Variants in GTF3C1 observed in about 807,000 individuals in gnomAD.
GTF3C1 encodes the protein general transcription factor 3C polypeptide 1.
A neutral mutation model predicts 226.7 loss-of-function variants in GTF3C1; 57 were observed. The ratio of observed to expected loss-of-function variants is 0.25; its 90% confidence interval spans 0.20 to 0.31. The LOEUF (loss-of-function observed/expected upper bound fraction) is 0.31, where lower values mean the gene tolerates loss of function less well. GTF3C1 is among the 10% of genes least tolerant of loss of function. The pLI is 1.00. For missense variants in GTF3C1, 2,217 were observed against 2,776.1 expected (o/e 0.80, Z 4.53); for synonymous variants, 1,090 against 1,084.8 (o/e 1.00, Z -0.09).
intron 25 of GTF3C1, among the ~76,000 whole-genome samples, chr16:27,483,625 CA>C (rs2088090629): frequency 6.6e-6 from 1 of 152,236 alleles, no homozygotes; most frequent in Non-Finnish European, 1.5e-5. Context: ...GGCTCCCGTC[CA>C]CCAGGCACTG....
At chr16:27,534,259 G>C (rs759489742) in intron 4 of GTF3C1, among the ~76,000 whole-genome samples, 1 of 152,128 alleles carries the variant, frequency 6.6e-6, no homozygotes, top group Non-Finnish European at 1.5e-5. Flanking sequence ...CCAAGCTAAC[G>C]GCCAGCAAAG....
At chr16:27,546,008 C>T (rs953909393) in intron 1 of GTF3C1, among the ~76,000 whole-genome samples, 51 of 152,062 alleles carry the variant, frequency 3.4e-4, no homozygotes, top group African/African-American at 1.2e-3. Flanking sequence ...GCCACCACGC[C>T]CGGCTAATTT....
At chr16:27,508,779 T>C in intron 7 of GTF3C1, 124 bp from the exon 8 acceptor site, 1 of 689,438 alleles carries the variant, frequency 1.5e-6, no homozygotes, top group South Asian at 1.8e-5. Context: ...GAACAAAACA[T>C]ACGCCATTTC....
At chr16:27,514,051 C>T (rs1250715797) in intron 6 of GTF3C1, among the ~76,000 whole-genome samples, 1 of 152,184 alleles carries the variant, frequency 6.6e-6, no homozygotes, top group East Asian at 1.9e-4. Context: ...CAGGAGATGC[C>T]TGGAACTCAA....
At position 27,462,187 on chromosome 16, in the gene GTF3C1, A is replaced by G. The variant is rs1596608842; in HGVS notation, c.6117+107T>C. On this transcript the variant is annotated intron_variant, in intron 36 of 36. Transcript: ENST00000356183. This position sits in a 1 kb window ranked among gnomAD's most constrained non-coding sequence, Gnocchi z 4.5. ...CAAGCTGGGGGAGGAGGTGCAGGCA[A>G]GCAGTATGGTGGTACTGCATGTTGC... 9.5e-6 allele frequency: 7 copies of G among 737,580 alleles called. No individual in the cohort carries two copies. In the South Asian group the frequency reaches 1.2e-4, roughly 13 times the overall value. The allele number at this position is 737,580 out of a possible 1,614,324, so 45.7% of individuals were successfully genotyped here.
intron 19 of GTF3C1, among the ~76,000 whole-genome samples, chr16:27,490,054 C>T (rs779121994): frequency 2.0e-5 from 3 of 152,192 alleles, no homozygotes; most frequent in Non-Finnish European, 4.4e-5. Context: ...GGGAGTCCAG[C>T]GCAGGGGAAA....
At chr16:27,524,148 G>GGGA (rs1240040318) in intron 6 of GTF3C1, among the ~76,000 whole-genome samples, 3 of 152,240 alleles carry the variant, frequency 2.0e-5, no homozygotes, top group Non-Finnish European at 4.4e-5. Context: ...GCTATACAGT[G>GGGA]GGAAGCGGGT....
intron 6 of GTF3C1, among the ~76,000 whole-genome samples, chr16:27,517,845 G>C (rs912429590): frequency 2.0e-5 from 3 of 152,172 alleles, no homozygotes; most frequent in African/African-American, 7.2e-5. Context: ...CACTCAGAGT[G>C]GTCATGTGAT....
chr16:27,483,175 A>C (rs973109661), intron 25 of GTF3C1, 50 bp from the exon 26 acceptor site: 1 of 1,555,578 alleles, frequency 6.4e-7, no homozygotes, highest in Non-Finnish European at 8.9e-7. Flanking sequence ...AATGATGCCC[A>C]TGTTCAGAAC....
chr16:27,521,641 T>C lies in GTF3C1; in HGVS notation c.973+6957A>G, dbSNP rs183563687. ...TTACTCAGCCCACAAATTCACACCT[T>C]TGGGGCTCTTACCCCTGTTTTAAGT... On this transcript the variant is annotated intron_variant, in intron 6 of 36. Transcript: ENST00000356183. Among the ~76,000 whole-genome samples, 274 of 152,386 alleles carry C rather than the reference T, an allele frequency of 1.8e-3. 1 individual carries two copies. Among genetic ancestry groups the C allele is most frequent in the Non-Finnish European group, 3.4e-3 (229 of 68,038 alleles).
chr16:27,543,439 G>A (rs777680020), intron 2 of GTF3C1, among the ~76,000 whole-genome samples: 8 of 152,268 alleles, frequency 5.3e-5, no homozygotes, highest in South Asian at 2.1e-4. Flanking sequence ...TGTCCAGACC[G>A]GAATGTGGTG....
intron 11 of GTF3C1, among the ~76,000 whole-genome samples, 162 bp downstream of exon 11, chr16:27,502,697 A>C (rs951888585): frequency 2.0e-5 from 3 of 151,860 alleles, no homozygotes. Flanking sequence ...GGTAGGGAGG[A>C]CCATCTAAAT....
chr16:27,473,519 A>C (rs2141353214), intron 29 of GTF3C1, among the ~76,000 whole-genome samples: 1 of 152,362 alleles, frequency 6.6e-6, no homozygotes, highest in East Asian at 1.9e-4. Context: ...TGCTGCCCCC[A>C]GGACCTTCAG....
chr16:27,531,160 C>T (rs927399894), intron 5 of GTF3C1, among the ~76,000 whole-genome samples: 1 of 151,596 alleles, frequency 6.6e-6, no homozygotes, highest in African/African-American at 2.4e-5. Context: ...TTCATTTCTA[C>T]ACGGCCAGCA....
chr16:27,479,092 C>G (rs1480844206), intron 27 of GTF3C1, among the ~76,000 whole-genome samples: 4 of 152,264 alleles, frequency 2.6e-5, no homozygotes, highest in East Asian at 3.9e-4. Context: ...TTTGAAATTA[C>G]TAAAATAATA....
intron 6 of GTF3C1, among the ~76,000 whole-genome samples, chr16:27,518,635 C>G (rs2088699023): frequency 6.6e-6 from 1 of 152,186 alleles, no homozygotes; most frequent in Non-Finnish European, 1.5e-5. Context: ...TTTGATTCCA[C>G]AACCATTTCT....
intron 6 of GTF3C1, among the ~76,000 whole-genome samples, chr16:27,523,363 C>A (rs1047050564): frequency 4.0e-5 from 6 of 151,896 alleles, no homozygotes; most frequent in African/African-American, 1.2e-4. Context: ...AATCCAAATT[C>A]GTTAAGGAGT....
rs141314407 is a variant in GTF3C1, at chr16:27,507,023, G to T, written c.1376C>A (p.Ala459Glu). The change falls in exon 9 of 37, where the codon GCG becomes GAG. Residue 459 changes from alanine to glutamate, a missense_variant. Physicochemically the swap from Ala to Glu is moderately radical, Grantham distance 107. Transcript: ENST00000356183. This position sits in a 1 kb window ranked among gnomAD's most constrained non-coding sequence, Gnocchi z 4.9. Reference protein sequence around the residue: ...RSELLTTVSLASMQEESLLPE... With the variant: ...RSELLTTVSLESMQEESLLPE... The stretch of plus-strand genomic sequence containing the variant: ...CAGAAGCGACTCCTCCTGCATAGAC[G>T]CCAGGCTCACGGTGGTCAAGAGCTC... The T allele has an allele frequency of 6.2e-7, 1 of 1,613,766 alleles. No individual in the cohort carries two copies. Among genetic ancestry groups the T allele is most frequent in the African/African-American group, 1.3e-5 (1 of 75,024 alleles).
At chr16:27,546,056 C>A (rs536837686) in intron 1 of GTF3C1, among the ~76,000 whole-genome samples, 2 of 152,116 alleles carry the variant, frequency 1.3e-5, no homozygotes, top group African/African-American at 4.8e-5. Flanking sequence ...CCATGTTGGT[C>A]AGGGTGGTCT....
Sources: gnomAD v4.1 joint callset for allele counts (sites outside exome capture counted in the v4.1 genomes callset) on GRCh38, gnomAD v4.1.1 for gene constraint, Gnocchi (gnomAD v3.1) non-coding constraint, MANE v1.5 for transcripts, NCBI Gene and HGNC (gene_info 2026-07-23, HGNC 2026-07-21) for gene names.